Variants in PIP5K1B observed in about 807,000 individuals in gnomAD.
PIP5K1B encodes the protein phosphatidylinositol 4-phosphate 5-kinase type-1 beta.
In PIP5K1B, 42 loss-of-function variants were observed where a neutral mutation model predicts 67.0. That is an observed-to-expected ratio of 0.63 (90% CI 0.49 to 0.81). The LOEUF is 0.81. Among genes scored for constraint, PIP5K1B ranks in the 30% least tolerant of loss-of-function variants. PIP5K1B has a pLI of 0.00. For missense variants in PIP5K1B, 459 were observed against 646.3 expected, an observed-to-expected ratio of 0.71 and a Z score of 3.14; for synonymous variants, 214 against 231.4, an observed-to-expected ratio of 0.92 and a Z score of 0.68.
chr9:68,927,712 T>A (rs1826786885), intron 12 of PIP5K1B, among the ~76,000 whole-genome samples: 1 of 152,204 alleles, frequency 6.6e-6, no homozygotes, highest in Non-Finnish European at 1.5e-5. Context: ...CTGTGGGTTG[T>A]CTTTTTACTT....
chr9:69,007,591 C>A (rs932489494), intron 15 of PIP5K1B, among the ~76,000 whole-genome samples: 29 of 152,194 alleles, frequency 1.9e-4, no homozygotes, highest in Admixed American at 1.9e-3. Flanking sequence ...GGTGAGGTGG[C>A]TCACGCCTGT....
At chr9:68,862,958 G>A (rs1204863138) in intron 4 of PIP5K1B, among the ~76,000 whole-genome samples, 1 of 151,940 alleles carries the variant, frequency 6.6e-6, no homozygotes, top group Non-Finnish European at 1.5e-5. Context: ...AAAGCATGTG[G>A]GGAGGTGGGG....
chr9:68,975,080 G>A (rs187909723), intron 14 of PIP5K1B, among the ~76,000 whole-genome samples: 1 of 152,178 alleles, frequency 6.6e-6, no homozygotes, highest in East Asian at 1.9e-4. Flanking sequence ...TGTTAGGTTG[G>A]CTGGTTTTGA....
Position 68,827,061 on chromosome 9 carries a change from A to G in PIP5K1B, c.69+4378A>G, listed in dbSNP as rs140450812. On this transcript the variant is annotated intron_variant, in intron 4 of 15. Coordinates refer to ENST00000265382, the MANE Select transcript of PIP5K1B (RefSeq NM_003558.4). ...GCCACTGGGCCCGGCCAAAAATTCCACTTTTTAAGTGACTGTGCATTCTGA... is the reference window on the plus strand; with the variant it reads ...GCCACTGGGCCCGGCCAAAAATTCCGCTTTTTAAGTGACTGTGCATTCTGA... Among the ~76,000 whole-genome samples the G allele has an allele frequency of 3.1e-3, 474 of 152,072 alleles. 3 individuals carry two copies. The highest frequency in any genetic ancestry group is 0.017 in the Middle Eastern group (5 of 294).
chr9:69,005,799 A>G (rs1831050588), intron 15 of PIP5K1B, among the ~76,000 whole-genome samples: 1 of 152,120 alleles, frequency 6.6e-6, no homozygotes. Flanking sequence ...GGGTCAGGAT[A>G]AACAGTTTCT....
intron 2 of PIP5K1B, among the ~76,000 whole-genome samples, chr9:68,773,338 A>G (rs1364282807): frequency 1.3e-5 from 2 of 152,222 alleles, no homozygotes; most frequent in Non-Finnish European, 2.9e-5. Flanking sequence ...TTCTTCGATT[A>G]TGGCCTAGGA....
intron 2 of PIP5K1B, among the ~76,000 whole-genome samples, chr9:68,763,799 G>C (rs553686579): frequency 6.6e-6 from 1 of 152,006 alleles, no homozygotes; most frequent in African/African-American, 2.4e-5. Context: ...GCAATGAGGT[G>C]GTGTATTTCC....
chr9:68,918,464 G>C (rs1489715678), intron 9 of PIP5K1B, among the ~76,000 whole-genome samples: 1 of 152,300 alleles, frequency 6.6e-6, no homozygotes, highest in Non-Finnish European at 1.5e-5. Context: ...TGCCTAAGGG[G>C]ATTCTGTTGT....
At chr9:68,835,891 G>A (rs540135506) in intron 4 of PIP5K1B, among the ~76,000 whole-genome samples, 1 of 136,482 alleles carries the variant, frequency 7.3e-6, no homozygotes, top group South Asian at 2.2e-4. Flanking sequence ...CAAATTTTCT[G>A]TTGTAGCTTT....
At chr9:68,706,446 G>A (rs976990707) in intron 1 of PIP5K1B, among the ~76,000 whole-genome samples, 2 of 152,174 alleles carry the variant, frequency 1.3e-5, no homozygotes, top group African/African-American at 4.8e-5. Context: ...GCAGATGAGC[G>A]TGTTGTCATT....
intron 3 of PIP5K1B, among the ~76,000 whole-genome samples, chr9:68,819,473 G>C (rs1409906401): frequency 6.6e-6 from 1 of 152,082 alleles, no homozygotes; most frequent in African/African-American, 2.4e-5. Context: ...AGTTCTCACT[G>C]TTTTTCCCAG....
chr9:68,783,339 C>A (rs1406282978), intron 2 of PIP5K1B: 1 of 166,812 alleles, frequency 6.0e-6, no homozygotes, highest in Non-Finnish European at 1.5e-5. Flanking sequence ...ATGTACTTTT[C>A]TTGTGTCTGT....
At position 69,004,038 on chromosome 9, in the gene PIP5K1B, AG is replaced by A. The variant is rs527332510; in HGVS notation, c.1621-4408del. Among the ~76,000 whole-genome samples, 615 of 152,328 alleles carry A rather than the reference AG, an allele frequency of 4.0e-3. 3 individuals carry two copies. The highest frequency in any genetic ancestry group is 0.013 in the African/African-American group (556 of 41,568). On this transcript the variant is annotated intron_variant, in intron 15 of 15. Transcript: ENST00000265382. Reference sequence around the variant, plus strand: ...AAATTATTTAATTGTAATATTGAAAAGCTTTGTAATCTCTGACCCCTTGTGT... The same window carrying A: ...AAATTATTTAATTGTAATATTGAAAACTTTGTAATCTCTGACCCCTTGTGT...
intron 2 of PIP5K1B, among the ~76,000 whole-genome samples, chr9:68,790,449 C>G (rs1296005673): frequency 6.6e-6 from 1 of 152,154 alleles, no homozygotes; most frequent in Non-Finnish European, 1.5e-5. Flanking sequence ...TTTAGAAGTT[C>G]AGTAAATATT....
chr9:68,837,812 T>C (rs942304812), intron 4 of PIP5K1B, among the ~76,000 whole-genome samples: 3 of 151,928 alleles, frequency 2.0e-5, no homozygotes, highest in African/African-American at 2.4e-5. Context: ...TTCCCTCTAA[T>C]TGAACTTTAG....
chr9:68,828,625 G>A (rs1834115972), intron 4 of PIP5K1B, among the ~76,000 whole-genome samples: 1 of 152,158 alleles, frequency 6.6e-6, no homozygotes, highest in Non-Finnish European at 1.5e-5. Context: ...TTCACCATGA[G>A]TAAGATAATA....
At chr9:68,715,573 C>T (rs1426242307) in intron 1 of PIP5K1B, among the ~76,000 whole-genome samples, 2 of 152,194 alleles carry the variant, frequency 1.3e-5, no homozygotes, top group Non-Finnish European at 2.9e-5. Flanking sequence ...CAGTGGTTCC[C>T]TCTCCAGGAG....
intron 14 of PIP5K1B, among the ~76,000 whole-genome samples, chr9:68,955,581 G>T (rs1218064863): frequency 6.6e-6 from 1 of 152,176 alleles, no homozygotes; most frequent in East Asian, 1.9e-4. Flanking sequence ...TGGGGAACTG[G>T]ATATTTTTGT....
At chr9:68,989,271 A>G (rs544931468) in intron 14 of PIP5K1B, among the ~76,000 whole-genome samples, 20 of 152,118 alleles carry the variant, frequency 1.3e-4, no homozygotes, top group Admixed American at 2.0e-4. Context: ...GACAGAGATT[A>G]TAATGTCCTC....
Sources: allele counts gnomAD v4.1 joint callset (sites outside exome capture counted in the v4.1 genomes callset), GRCh38; gene constraint gnomAD v4.1.1; transcripts MANE v1.5; gene names NCBI Gene and HGNC (gene_info 2026-07-23, HGNC 2026-07-21).